Variants in LUZP2 observed in about 807,000 individuals in gnomAD.
LUZP2 encodes the protein leucine zipper protein 2.
LUZP2 carries 52 observed loss-of-function variants against 51.6 expected under a neutral mutation model. The ratio of observed to expected loss-of-function variants is 1.01; its 90% CI spans 0.81 to 1.27. LUZP2 has a LOEUF of 1.27. LUZP2 is among the 50% of genes most tolerant of loss of function. The probability of loss-of-function intolerance (pLI) is 0.00; values close to 1 mark genes in which losing one functional copy is unlikely to be tolerated. For missense variants in LUZP2, 436 were observed against 395.4 expected (o/e 1.10, Z -0.87); for synonymous variants, 154 against 137.3 (o/e 1.12, Z -0.85).
At chr11:24,893,294 G>A (rs112017200) in intron 5 of LUZP2, 35 of 151,754 alleles carry the variant, frequency 2.3e-4, no homozygotes, top group African/African-American at 4.3e-4. Context: ...AGACAGATTC[G>A]ATTTTTTGTT....
chr11:24,540,298 T>A (rs1851317835), intron 1 of LUZP2, among the ~76,000 whole-genome samples: 1 of 152,102 alleles, frequency 6.6e-6, no homozygotes, highest in Non-Finnish European at 1.5e-5. Context: ...CAAATTTACT[T>A]ATTGAAACTC....
chr11:24,879,651 G>T (rs887437412), intron 5 of LUZP2, among the ~76,000 whole-genome samples: 5 of 151,966 alleles, frequency 3.3e-5, no homozygotes, highest in African/African-American at 7.3e-5. Context: ...GTTTTGATTC[G>T]CATTTCTCTA....
chr11:24,865,742 GTGTATATA>G (rs1454416554), intron 5 of LUZP2, among the ~76,000 whole-genome samples: 5 of 137,360 alleles, frequency 3.6e-5, no homozygotes, highest in African/African-American at 1.4e-4. Flanking sequence ...GTGTGTGTGT[GTGTATATA>G]TATTTATATG....
chr11:25,017,055 G>A (rs1857180878), intron 9 of LUZP2, among the ~76,000 whole-genome samples: 1 of 151,804 alleles, frequency 6.6e-6, no homozygotes, highest in Non-Finnish European at 1.5e-5. Context: ...TATGTTTGTT[G>A]GCCATTTGTA....
At chr11:24,709,648 A>G (rs1680594402) in intron 1 of LUZP2, among the ~76,000 whole-genome samples, 1 of 152,178 alleles carries the variant, frequency 6.6e-6, no homozygotes, top group South Asian at 2.1e-4. Flanking sequence ...TATAAACTTT[A>G]TTTGCTAATG....
intron 1 of LUZP2, among the ~76,000 whole-genome samples, chr11:24,522,803 A>G (rs1490363693): frequency 6.6e-6 from 1 of 152,142 alleles, no homozygotes; most frequent in Non-Finnish European, 1.5e-5. Context: ...TATGAATAAA[A>G]AAGATTTACA....
At position 24,808,826 on chromosome 11, in the gene LUZP2, C is replaced by T. The variant is rs184037072; in HGVS notation, c.396+45518C>T. On this transcript the variant is annotated intron_variant, in intron 5 of 11. Transcript: ENST00000336930. The stretch of plus-strand genomic sequence containing the variant: ...ATTTTTAGTTTAAATTCTATGTGTG[C>T]GTTTCAAGATTAGGTAACTCATTAA... Among the ~76,000 whole-genome samples, 4 of 152,004 alleles carry T rather than the reference C, an allele frequency of 2.6e-5. No individual in the cohort carries two copies. The East Asian group carries it at 5.8e-4, about 22-fold the overall frequency.
chr11:24,572,381 G>C (rs1852472976), intron 1 of LUZP2, among the ~76,000 whole-genome samples: 1 of 151,770 alleles, frequency 6.6e-6, no homozygotes, highest in African/African-American at 2.4e-5. Flanking sequence ...AAGCAATTCA[G>C]TTTATATACT....
At position 25,081,857 on chromosome 11, in the gene LUZP2, G is replaced by T. The variant is rs537039383; in HGVS notation, c.*3199G>T. Reference sequence around the variant, plus strand: ...TTAAGAAAAAAGATATTTTCCAATGGAGTAACTTGTTTTAATAGAGGTACA... The same window carrying T: ...TTAAGAAAAAAGATATTTTCCAATGTAGTAACTTGTTTTAATAGAGGTACA... On this transcript the variant is annotated 3_prime_UTR_variant, in exon 12 of 12. Transcript: ENST00000336930. The T allele has an allele frequency of 3.4e-4, 52 of 152,182 alleles. No homozygotes were observed. The highest frequency in any genetic ancestry group is 3.4e-3 in the Middle Eastern group (1 of 294). The allele number at this position is 152,182 out of a possible 1,614,324, so 9.4% of individuals were successfully genotyped here.
intron 4 of LUZP2, among the ~76,000 whole-genome samples, chr11:24,749,505 T>TG (rs776539374): frequency 1.6e-4 from 25 of 152,104 alleles, no homozygotes; most frequent in Admixed American, 6.5e-4. Context: ...GTCTGTGGAC[T>TG]GGGGGAGAAA....
intron 7 of LUZP2, among the ~76,000 whole-genome samples, chr11:24,945,185 G>A (rs79819345): frequency 1.6e-3 from 238 of 152,168 alleles, no homozygotes; most frequent in Middle Eastern, 6.8e-3. Context: ...CATCCTTTCC[G>A]CATCTTTCTC....
At chr11:24,824,388 A>AAAAAAAG (rs1404768693) in intron 5 of LUZP2, among the ~76,000 whole-genome samples, 1 of 148,830 alleles carries the variant, frequency 6.7e-6, no homozygotes, top group African/African-American at 2.5e-5. Context: ...AAAAAAAAAA[A>AAAAAAAG]AAAAATGAGT....
At chr11:24,953,471 A>G (rs1855133654) in intron 7 of LUZP2, among the ~76,000 whole-genome samples, 1 of 151,916 alleles carries the variant, frequency 6.6e-6, no homozygotes, top group Non-Finnish European at 1.5e-5. Flanking sequence ...TAAACCACCA[A>G]TTTCTGTGCC....
chr11:24,576,530 T>A (rs1410726196), intron 1 of LUZP2, among the ~76,000 whole-genome samples: 1 of 151,656 alleles, frequency 6.6e-6, no homozygotes, highest in East Asian at 1.9e-4. Flanking sequence ...TTAACTTATA[T>A]AGTTAGGAGA....
At chr11:24,778,181 G>A (rs1048031938) in intron 5 of LUZP2, among the ~76,000 whole-genome samples, 1 of 152,058 alleles carries the variant, frequency 6.6e-6, no homozygotes, top group Admixed American at 6.6e-5. Flanking sequence ...TGAGAGGAAT[G>A]CTTGAGTCCA....
At chr11:25,041,369 T>G (rs1344177168) in intron 9 of LUZP2, among the ~76,000 whole-genome samples, 1 of 151,894 alleles carries the variant, frequency 6.6e-6, no homozygotes, top group African/African-American at 2.4e-5. Context: ...TCTTTCTTAC[T>G]CTCTCTCTCT....
chr11:24,553,128 C>A (rs565701324), intron 1 of LUZP2, among the ~76,000 whole-genome samples: 3 of 151,334 alleles, frequency 2.0e-5, no homozygotes, highest in African/African-American at 7.3e-5. Context: ...AGAATTTAGA[C>A]AGTATATCTG....
intron 5 of LUZP2, among the ~76,000 whole-genome samples, chr11:24,808,224 A>G (rs779818396): frequency 6.6e-6 from 1 of 152,222 alleles, no homozygotes. Flanking sequence ...TGCTAGCATC[A>G]TGTCCTTAAG....
At chr11:25,055,941 A>G (rs936074679) in intron 10 of LUZP2, among the ~76,000 whole-genome samples, 34 of 152,180 alleles carry the variant, frequency 2.2e-4, no homozygotes, top group African/African-American at 7.0e-4. Flanking sequence ...AACAGTTAGC[A>G]TATGACTAGC....
Sources: gnomAD v4.1 joint callset for allele counts (sites outside exome capture counted in the v4.1 genomes callset) on GRCh38, gnomAD v4.1.1 for gene constraint, MANE v1.5 for transcripts, NCBI Gene and HGNC (gene_info 2026-07-23, HGNC 2026-07-21) for gene names.